DOCK9: variants seen among roughly 807,000 people sequenced by gnomAD.
The protein encoded by DOCK9 is dedicator of cytokinesis 9.
Under a neutral mutation model 263.3 loss-of-function variants are expected in DOCK9, and 89 were observed. The ratio of observed to expected loss-of-function variants is 0.34; its 90% CI spans 0.28 to 0.40. DOCK9 has a LOEUF of 0.40. Among genes scored for constraint, DOCK9 ranks in the 10% least tolerant of loss-of-function variants. DOCK9 has a pLI of 1.00. For missense variants in DOCK9, 2,140 were observed against 2,603.4 expected, an observed-to-expected ratio of 0.82 and a Z score of 3.87; for synonymous variants, 976 against 973.1, an observed-to-expected ratio of 1.00 and a Z score of -0.06.
At chr13:98,802,495 T>C (rs1310352046) in intron 49 of DOCK9, among the ~76,000 whole-genome samples, 1 of 152,028 alleles carries the variant, frequency 6.6e-6, no homozygotes, top group Non-Finnish European at 1.5e-5. Flanking sequence ...GTGTCTTGAA[T>C]AGAAAGTGGA....
chr13:99,086,806 G>C (rs147420690), upstream of DOCK9, among the ~76,000 whole-genome samples: 13,242 of 149,994 alleles, frequency 0.088, 712 homozygotes, highest in African/African-American at 0.15. Context: ...CTAGGCGGCC[G>C]GACTGGCAGG....
At chr13:99,008,649 G>A (rs1386323058) in intron 1 of DOCK9, among the ~76,000 whole-genome samples, 1 of 152,220 alleles carries the variant, frequency 6.6e-6, no homozygotes, top group Admixed American at 6.5e-5. Context: ...TATAGACTGG[G>A]TGGCTAAGCA....
intron 1 of DOCK9, among the ~76,000 whole-genome samples, chr13:99,079,429 G>A (rs567255896): frequency 2.6e-5 from 4 of 152,286 alleles, no homozygotes; most frequent in African/African-American, 9.6e-5. Context: ...ATGCATTCTA[G>A]GGCATCATAG....
chr13:98,874,462 G>C (rs1164838224), intron 27 of DOCK9, among the ~76,000 whole-genome samples: 2 of 152,232 alleles, frequency 1.3e-5, no homozygotes, highest in Non-Finnish European at 2.9e-5. Context: ...TTTGCATTTA[G>C]GTCTTTACAT....
At chr13:99,077,660 G>T (rs1017153681) in intron 1 of DOCK9, among the ~76,000 whole-genome samples, 2 of 152,224 alleles carry the variant, frequency 1.3e-5, no homozygotes, top group Non-Finnish European at 2.9e-5. Flanking sequence ...GTTGCAGCAG[G>T]CATCAGTGCT....
chr13:98,808,991 GAATAA>G (rs903496352), intron 47 of DOCK9: 3 of 1,194,222 alleles, frequency 2.5e-6, no homozygotes, highest in Middle Eastern at 2.0e-4. Context: ...TCTGTAAATG[GAATAA>G]AATGTTAATT....
At chr13:98,796,991 T>C in intron 52 of DOCK9, 124 bp downstream of exon 52, 1 of 983,996 alleles carries the variant, frequency 1.0e-6, no homozygotes, top group East Asian at 2.4e-5. Flanking sequence ...AGGAGTGTGG[T>C]ATGCTACATT....
At position 99,032,618 on chromosome 13, in the gene DOCK9, T is replaced by TATGACATAAATTTATTAATTTAC. The variant is rs767128451; in HGVS notation, c.129+53582_129+53604dup. On this transcript the variant is annotated intron_variant, in intron 1 of 32. Coordinates refer to the DOCK9 transcript ENST00000427887. ...GAAGTACTATAAATTTATTAATTTATATGACATAAATTTATTAATTTACAT... is the reference window on the plus strand; with the variant it reads ...GAAGTACTATAAATTTATTAATTTATATGACATAAATTTATTAATTTACATGACATAAATTTATTAATTTACAT... 1.1e-3 allele frequency among the ~76,000 whole-genome samples: 159 copies of TATGACATAAATTTATTAATTTAC among 151,034 alleles called. 9 individuals carry two copies. The South Asian group carries it at 0.029, about 28-fold the overall frequency.
Position 98,930,168 on chromosome 13 carries a change from C to G in DOCK9, c.333G>C (p.Glu111Asp). The change falls in exon 3 of 53, where the codon GAG (glutamate) becomes GAC (aspartate). Residue 111 changes from glutamate to aspartate, a missense_variant and splice_region_variant. Glu to Asp is a conservative substitution (Grantham distance 45). Coordinates refer to ENST00000682017, the MANE Select transcript of DOCK9 (RefSeq NM_001366683.2). ...AAATTAATGCAGGAAAGAGCCTTAC[C>G]TCTGTAACAAACAAGCTCTGTGCTT... ...EEEAQSLFVT[E>D]CIKTYNSDWH... is the part of the protein sequence containing the mutation. 6.2e-7 allele frequency: 1 copy of G among 1,608,156 alleles called. No individual in the cohort carries two copies. Among genetic ancestry groups the G allele is most frequent in the East Asian group, 2.2e-5 (1 of 44,766 alleles).
intron 1 of DOCK9, among the ~76,000 whole-genome samples, chr13:98,998,035 G>A (rs9557114): frequency 0.15 from 22,632 of 152,212 alleles, 2,418 homozygotes; most frequent in East Asian, 0.42. Flanking sequence ...AACATCTCCA[G>A]GGTGATGGTG....
chr13:98,906,888 G>C (rs963991097), intron 9 of DOCK9, among the ~76,000 whole-genome samples: 2 of 152,036 alleles, frequency 1.3e-5, no homozygotes, highest in African/African-American at 4.8e-5. Context: ...TCACTTCCAG[G>C]TAAAAATGTT....
chr13:98,981,655 ACTT>A (rs1877239043), upstream of DOCK9, among the ~76,000 whole-genome samples: 1 of 152,152 alleles, frequency 6.6e-6, no homozygotes, highest in Non-Finnish European at 1.5e-5. Context: ...CCATCACACA[ACTT>A]CTCAGGCAGT....
At position 98,883,096 on chromosome 13, in the gene DOCK9, C is replaced by T. The variant is rs9513501; in HGVS notation, c.2505G>A (p.Gln835=). Residue 835 remains glutamine, a synonymous_variant, in exon 23 of 53, where the codon CAG becomes CAA. Coordinates refer to ENST00000682017, the MANE Select transcript of DOCK9 (RefSeq NM_001366683.2). ...AGGCTTGGGCTCCAGATTCGGTTTT[C>T]TGACAGTACTGGAAAAAATTATGTA... is the stretch of plus-strand genomic sequence containing the variant. ...QHLHNFFQYC[Q]KTESGAQALG... 13 of 1,613,786 alleles carry T rather than the reference C, an allele frequency of 8.1e-6. No homozygotes were observed. Among genetic ancestry groups the T allele is most frequent in the Non-Finnish European group, 1.1e-5 (13 of 1,179,832 alleles).
chr13:99,016,639 G>A (rs1411693656), intron 1 of DOCK9, among the ~76,000 whole-genome samples: 2 of 152,190 alleles, frequency 1.3e-5, no homozygotes, highest in Non-Finnish European at 2.9e-5. Flanking sequence ...CTCTGGGAAT[G>A]GCTAACAGGG....
chr13:98,823,423 G>A (rs1309572609), intron 45 of DOCK9, among the ~76,000 whole-genome samples: 2 of 152,320 alleles, frequency 1.3e-5, no homozygotes, highest in East Asian at 3.9e-4. Flanking sequence ...GCATGAGAAT[G>A]GTTAAAAGCC....
chr13:98,904,099 TA>T, intron 10 of DOCK9, among the ~76,000 whole-genome samples: 1 of 152,336 alleles, frequency 6.6e-6, no homozygotes, highest in Middle Eastern at 3.4e-3. Context: ...ACCGTACACT[TA>T]AAAATGGTTA....
At chr13:99,038,243 T>G (rs1253394563) in intron 1 of DOCK9, among the ~76,000 whole-genome samples, 3 of 149,838 alleles carry the variant, frequency 2.0e-5, no homozygotes, top group Non-Finnish European at 4.4e-5. Context: ...TCTTTATAAT[T>G]AACCGGAAAT....
upstream of DOCK9, among the ~76,000 whole-genome samples, chr13:98,981,199 A>G (rs1853750): frequency 0.18 from 27,037 of 151,722 alleles, 3,183 homozygotes; most frequent in East Asian, 0.43. Context: ...TGGGACTACA[A>G]GCACATGCCA....
chr13:99,083,041 G>A (rs988717889), intron 1 of DOCK9, among the ~76,000 whole-genome samples: 2 of 152,116 alleles, frequency 1.3e-5, no homozygotes, highest in Admixed American at 6.5e-5. Flanking sequence ...GATCACCTGA[G>A]CTCAGGAGTT....
Sources: gnomAD v4.1 joint callset for allele counts (sites outside exome capture counted in the v4.1 genomes callset) on GRCh38, gnomAD v4.1.1 for gene constraint, MANE v1.5 for transcripts, NCBI Gene and HGNC (gene_info 2026-07-23, HGNC 2026-07-21) for gene names.